Variants in RNPEP observed in about 807,000 individuals in gnomAD.
RNPEP encodes aminopeptidase B.
A neutral mutation model predicts 70.1 loss-of-function variants in RNPEP; 57 were observed. The ratio of observed to expected loss-of-function variants is 0.81; its 90% CI spans 0.66 to 1.01. The LOEUF (loss-of-function observed/expected upper bound fraction) is 1.01, where lower values mean the gene tolerates loss of function less well. Among genes scored for constraint, RNPEP ranks in the 50% least tolerant of loss-of-function variants. The pLI is 0.00. For synonymous variants in RNPEP, 335 were observed against 357.4 expected (o/e 0.94, Z 0.71); for missense variants, 787 against 852.4 (o/e 0.92, Z 0.96).
chr1:202,005,874 C>A lies in RNPEP; in HGVS notation c.*158C>A. 2.3e-6 allele frequency: 2 copies of A among 866,552 alleles called. No individual in the cohort carries two copies. The highest frequency in any genetic ancestry group is 1.7e-6 in the Non-Finnish European group (1 of 572,676). The allele number at this position is 866,552 out of a possible 1,614,324, so 53.7% of individuals were successfully genotyped here. A position where few individuals can be genotyped will look rare whatever the true frequency, so the allele number is the denominator to read the frequency against. ...GGTATCTGTGACTCTTGGGCCTCTG[C>A]TCTGGTGGGAACTTACTTCTCTATA... On this transcript the variant is annotated 3_prime_UTR_variant, in exon 11 of 11. Transcript: ENST00000295640.
intron 6 of RNPEP, chr1:202,001,053 C>T (rs1046439034): frequency 6.5e-6 from 2 of 307,896 alleles, no homozygotes; most frequent in Non-Finnish European, 1.2e-5. Flanking sequence ...GTGTCCGCTC[C>T]TCTGGAAGGC....
At chr1:202,005,212 C>T (rs915655039) in intron 10 of RNPEP, among the ~76,000 whole-genome samples, 2 of 152,148 alleles carry the variant, frequency 1.3e-5, no homozygotes, top group African/African-American at 4.8e-5. Flanking sequence ...CTTTATGTGC[C>T]GCAGCTGCTG....
chr1:201,989,958 C>T (rs1437246226), intron 3 of RNPEP, among the ~76,000 whole-genome samples: 2 of 151,946 alleles, frequency 1.3e-5, no homozygotes, highest in African/African-American at 4.8e-5. Flanking sequence ...GATTCTCCTG[C>T]CCCAGCCTCC....
Position 202,004,273 on chromosome 1 carries a change from C to G in RNPEP, c.1652-81C>G, listed in dbSNP as rs1683960349. ...ACATTCCTGACCTCAAGTGATCCGC[C>G]CACCTCAGCCTCCCAAAATTCTAGT... On this transcript the variant is annotated intron_variant, in intron 9 of 10. Transcript: ENST00000295640. 2.0e-6 allele frequency: 3 copies of G among 1,500,344 alleles called. No individual in the cohort carries two copies. In the African/African-American group the frequency reaches 4.2e-5, roughly 21 times the overall value. The allele number at this position is 1,500,344 out of a possible 1,614,324, so 92.9% of individuals were successfully genotyped here. A position where few individuals can be genotyped will look rare whatever the true frequency, so the allele number is the denominator to read the frequency against.
chr1:202,001,178 A>AGGCCTT (rs765189183), intron 6 of RNPEP, 198 bp from the exon 7 acceptor site: 2 of 581,808 alleles, frequency 3.4e-6, no homozygotes, highest in Non-Finnish European at 6.1e-6. Context: ...AGAGATCTTA[A>AGGCCTT]GAGAGAGAGT....
Position 202,004,335 on chromosome 1 carries a change from A to AT in RNPEP, c.1652-16dup. On this transcript the variant is annotated intron_variant, in intron 9 of 10. Transcript: ENST00000295640. ...GACCCACCGTGACCAGCCACAAACC[A>AT]TTTCTTTCTCTTCTCCAGGGAATGT... The AT allele has an allele frequency of 6.2e-7, 1 of 1,613,700 alleles. No individual in the cohort carries two copies. Among genetic ancestry groups the AT allele is most frequent in the Non-Finnish European group, 8.5e-7 (1 of 1,179,848 alleles).
At chr1:201,995,525 T>C (rs1265082482) in intron 3 of RNPEP, among the ~76,000 whole-genome samples, 5 of 151,696 alleles carry the variant, frequency 3.3e-5, no homozygotes, top group Non-Finnish European at 7.4e-5. Flanking sequence ...TCTACAAAAA[T>C]AAAAAAATTA....
chr1:202,005,847 T>C lies in RNPEP; in HGVS notation c.*131T>C. Reference sequence around the variant, plus strand: ...CCTCAGGATAATCTATTCTCTAGCTTAGGTATCTGTGACTCTTGGGCCTCT... The same window carrying C: ...CCTCAGGATAATCTATTCTCTAGCTCAGGTATCTGTGACTCTTGGGCCTCT... On this transcript the variant is annotated 3_prime_UTR_variant, in exon 11 of 11. Transcript: ENST00000295640. 1 of 1,103,838 alleles carries C rather than the reference T, an allele frequency of 9.1e-7. No individual in the cohort carries two copies. The highest frequency in any genetic ancestry group is 1.3e-6 in the Non-Finnish European group (1 of 768,762). The allele number at this position is 1,103,838 out of a possible 1,614,324, so 68.4% of individuals were successfully genotyped here. A position where few individuals can be genotyped will look rare whatever the true frequency, so the allele number is the denominator to read the frequency against.
intron 3 of RNPEP, among the ~76,000 whole-genome samples, chr1:201,991,322 C>T (rs1172354267): frequency 6.6e-6 from 1 of 152,092 alleles, no homozygotes; most frequent in African/African-American, 2.4e-5. Flanking sequence ...ACTATGTTGG[C>T]CAGGCTAGTC....
At position 201,982,705 on chromosome 1, in the gene RNPEP, C is replaced by T. The variant is rs559728643; in HGVS notation, c.39C>T (p.Ala13=). The T allele has an allele frequency of 1.9e-5, 27 of 1,398,834 alleles. No homozygotes were observed. The East Asian group carries it at 7.5e-4, about 39-fold the overall frequency. The allele number at this position is 1,398,834 out of a possible 1,614,324, so 86.7% of individuals were successfully genotyped here. ...AGCATTCCCCCGGCAGCGGCGCGGC[C>T]CGGCGGCCGCTGCACTCCGCGCAGG... ...SGEHSPGSGA[A]RRPLHSAQAV... Residue 13 remains alanine, a synonymous_variant, in exon 1 of 11, where the codon GCC becomes GCT. Transcript: ENST00000295640.
At chr1:201,997,867 G>T (rs973637008) in intron 5 of RNPEP, among the ~76,000 whole-genome samples, 1 of 150,374 alleles carries the variant, frequency 6.7e-6, no homozygotes, top group South Asian at 2.1e-4. Flanking sequence ...GGCTTCAAGC[G>T]ATTCTCCTGC....
intron 1 of RNPEP, among the ~76,000 whole-genome samples, chr1:201,988,246 G>A (rs1683200145): frequency 6.6e-6 from 1 of 151,848 alleles, no homozygotes; most frequent in South Asian, 2.1e-4. Flanking sequence ...GGTTGCTTGA[G>A]GCCAGGAGTT....
chr1:202,001,126 T>C, intron 6 of RNPEP: 1 of 481,500 alleles, frequency 2.1e-6, no homozygotes, highest in Non-Finnish European at 3.7e-6. Context: ...GGAAGTACCT[T>C]GAGAGAGGCC....
At chr1:201,989,112 G>T in intron 2 of RNPEP, 68 bp downstream of exon 2, 2 of 1,552,842 alleles carry the variant, frequency 1.3e-6, no homozygotes, top group South Asian at 2.4e-5. Context: ...TATCAATCAG[G>T]TCACGTTTCA....
chr1:202,002,696 G>C (rs887919212), intron 8 of RNPEP, among the ~76,000 whole-genome samples: 5 of 152,188 alleles, frequency 3.3e-5, no homozygotes, highest in African/African-American at 4.8e-5. Context: ...CGGAGCTAAT[G>C]GTAGTTAATA....
rs138253841 is a variant in RNPEP at position 202,004,455 on chromosome 1, C to T, written c.1753C>T (p.Gln585Ter). The T allele has an allele frequency of 6.2e-7, 1 of 1,614,032 alleles. No homozygotes were observed. The highest frequency in any genetic ancestry group is 1.3e-5 in the African/African-American group (1 of 74,920). ...WGQIVLKNDHQEDFWKVKEFL... is the reference protein window; with the variant it reads ...WGQIVLKNDH ...CCAAATCGTCCTTAAGAACGACCAC[C>T]AGGAAGATTTCTGGAAAGTGAAGGA... is the stretch of plus-strand genomic sequence containing the variant. Residue 585 changes from glutamine (Q) to a stop codon, truncating the protein, a stop_gained, in exon 10 of 11, where the codon CAG becomes TAG. Transcript: ENST00000295640. LOFTEE classifies it high-confidence loss of function.
In RNPEP at chr1:201,983,051, C is replaced by T; in HGVS notation, c.385C>T (p.Pro129Ser). ...GGCCCTGTGCGTGTCCTTCCCGCAG[C>T]CCTGCCGCGCCGCCGAGCGCCTCCA... The part of the protein sequence containing the change: ...GQALCVSFPQ[P>S]CRAAERLQVL... Residue 129 changes from proline to serine, a missense_variant, in exon 1 of 11, where the codon CCC becomes TCC. Pro to Ser is a moderately conservative substitution (Grantham distance 74). Transcript: ENST00000295640. The T allele has an allele frequency of 6.5e-7, 1 of 1,526,724 alleles. No homozygotes were observed. Among genetic ancestry groups the T allele is most frequent in the Non-Finnish European group, 8.8e-7 (1 of 1,141,594 alleles). The allele number at this position is 1,526,724 out of a possible 1,614,324, so 94.6% of individuals were successfully genotyped here.
At chr1:201,983,927 G>A (rs1558257496) in intron 1 of RNPEP, 2 of 928,928 alleles carry the variant, frequency 2.2e-6, no homozygotes, top group African/African-American at 1.8e-5. Flanking sequence ...CTTGCTTACA[G>A]TTTAATCTTT....
At chr1:202,004,232 T>C (rs1558269311) in intron 9 of RNPEP, 122 bp from the exon 10 acceptor site, 1 of 1,066,190 alleles carries the variant, frequency 9.4e-7, no homozygotes, top group African/African-American at 1.6e-5. Flanking sequence ...TTCGCCATAT[T>C]GGCCAGGCTG....
Sources: gnomAD v4.1 joint callset for allele counts (sites outside exome capture counted in the v4.1 genomes callset) on GRCh38, gnomAD v4.1.1 for gene constraint, MANE v1.5 for transcripts, NCBI Gene and HGNC (gene_info 2026-07-23, HGNC 2026-07-21) for gene names.